The following PSIP1 variants were observed in gnomAD, a reference collection of about 807,000 sequenced individuals.
PSIP1 encodes PC4 and SFRS1-interacting protein.
PSIP1 carries 19 observed loss-of-function variants against 74.7 expected under a neutral mutation model. The ratio of observed to expected loss-of-function variants is 0.25; its 90% CI spans 0.18 to 0.37. The LOEUF (loss-of-function observed/expected upper bound fraction) is 0.37, where lower values mean the gene tolerates loss of function less well. Among genes scored for constraint, PSIP1 ranks in the 10% least tolerant of loss-of-function variants. The pLI, the probability that PSIP1 is intolerant of heterozygous loss-of-function variation, is 1.00. For synonymous variants in PSIP1, 222 were observed against 195.3 expected (o/e 1.14, Z -1.14); for missense variants, 601 against 614.3 (o/e 0.98, Z 0.23).
At chr9:15,491,153 T>C (rs911427100) in intron 3 of PSIP1, among the ~76,000 whole-genome samples, 1 of 152,236 alleles carries the variant, frequency 6.6e-6, no homozygotes, top group Non-Finnish European at 1.5e-5. Context: ...ACTGAACTCA[T>C]AGCCAACAGC....
At chr9:15,477,853 T>A (rs2132077254) in intron 8 of PSIP1, among the ~76,000 whole-genome samples, 1 of 152,174 alleles carries the variant, frequency 6.6e-6, no homozygotes, top group South Asian at 2.1e-4. Flanking sequence ...AAAAAAGATT[T>A]GTAGGCTAGG....
intron 3 of PSIP1, among the ~76,000 whole-genome samples, chr9:15,491,185 T>C (rs537331984): frequency 1.2e-4 from 19 of 152,338 alleles, no homozygotes; most frequent in African/African-American, 3.4e-4. Context: ...GCGCTTTCTC[T>C]GTAAAGCACA....
chr9:15,469,438 G>A (rs1269811917), intron 11 of PSIP1, 102 bp from the exon 12 acceptor site: 5 of 661,592 alleles, frequency 7.6e-6, no homozygotes, highest in Non-Finnish European at 1.3e-5. Flanking sequence ...AAAAAAAAAT[G>A]TTCTTAGTAA....
chr9:15,504,188 G>T (rs770835336), intron 3 of PSIP1, among the ~76,000 whole-genome samples: 3 of 152,152 alleles, frequency 2.0e-5, no homozygotes, highest in Non-Finnish European at 2.9e-5. Context: ...ATTCAGTATT[G>T]TCAGCTTAAC....
chr9:15,478,411 G>GCAC, intron 8 of PSIP1, 66 bp downstream of exon 8: 11 of 1,171,732 alleles, frequency 9.4e-6, no homozygotes, highest in Non-Finnish European at 1.4e-5. Context: ...AAATCGCAGA[G>GCAC]ATATGTGCTT....
At chr9:15,484,911 CAAAAAAAAAAA>C (rs59867087) in intron 6 of PSIP1, among the ~76,000 whole-genome samples, 1 of 81,890 alleles carries the variant, frequency 1.2e-5, no homozygotes. Context: ...AGATCCGTCT[CAAAAAAAAAAA>C]AAAAAAAAAA....
chr9:15,502,804 G>C (rs2037408358), intron 3 of PSIP1, among the ~76,000 whole-genome samples: 1 of 152,184 alleles, frequency 6.6e-6, no homozygotes, highest in Non-Finnish European at 1.5e-5. Flanking sequence ...GTCTGAATAT[G>C]TTAGGTTTAA....
At chr9:15,501,021 G>A (rs368061840) in intron 3 of PSIP1, among the ~76,000 whole-genome samples, 110 of 152,174 alleles carry the variant, frequency 7.2e-4, no homozygotes, top group African/African-American at 2.5e-3. Flanking sequence ...TAATAGCCAA[G>A]CATTGTTCTA....
intron 6 of PSIP1, among the ~76,000 whole-genome samples, chr9:15,483,401 T>TA (rs977783491): frequency 1.3e-5 from 2 of 151,586 alleles, no homozygotes; most frequent in African/African-American, 4.9e-5. Flanking sequence ...CTTAACCTCT[T>TA]AAAGTGCTCT....
chr9:15,470,704 G>A (rs2035786444), intron 10 of PSIP1: 21 of 938,452 alleles, frequency 2.2e-5, no homozygotes, highest in Non-Finnish European at 2.6e-5. Context: ...GTCTACTACT[G>A]TTTAATCTCT....
At position 15,466,657 on chromosome 9, in the gene PSIP1, C is replaced by T. The variant is rs1464635638; in HGVS notation, c.1532+91G>A. The stretch of plus-strand genomic sequence containing the variant: ...GAATTGGGTGATCAAAAGATAACTG[C>T]TTATTATAGTAAGATAACCTTGGAA... On this transcript the variant is annotated intron_variant, in intron 15 of 15. Transcript: ENST00000380733. The T allele has an allele frequency of 7.2e-6, 7 of 975,976 alleles. No homozygotes were observed. The African/African-American group carries it at 1.2e-4, about 17-fold the overall frequency. 60.5% of individuals were successfully genotyped at this position (975,976 alleles called of 1,614,324 possible).
intron 3 of PSIP1, chr9:15,505,837 A>G (rs1268434441): frequency 6.6e-6 from 1 of 152,248 alleles, no homozygotes; most frequent in African/African-American, 2.4e-5. Context: ...CATAATTCTA[A>G]TCAGAATAGC....
chr9:15,490,075 T>C lies in PSIP1; in HGVS notation c.199A>G (p.Lys67Glu), dbSNP rs1024734089. Residue 67 changes from lysine to glutamate, a missense_variant, in exon 4 of 16, where the codon AAG becomes GAG. This residue lies in a region of PSIP1 where 63 missense variants were observed against 106.7 expected (regional missense o/e 0.59). Coordinates refer to ENST00000380733, the MANE Select transcript of PSIP1 (RefSeq NM_033222.5). Reference sequence around the variant, plus strand: ...TTTCTTTTATTTGGTTTGCCATACTTTTCCTTATTTTCTGAGTAAGGAAAT... The same window carrying C: ...TTTCTTTTATTTGGTTTGCCATACTCTTCCTTATTTTCTGAGTAAGGAAAT... ...DIFPYSENKE[K>E]YGKPNKRKGF... is the part of the protein sequence containing the mutation. 1 of 1,605,604 alleles carries C rather than the reference T, an allele frequency of 6.2e-7. No homozygotes were observed. Among genetic ancestry groups the C allele is most frequent in the African/African-American group, 1.3e-5 (1 of 74,638 alleles).
At chr9:15,499,420 G>A (rs1040821842) in intron 3 of PSIP1, among the ~76,000 whole-genome samples, 1 of 152,160 alleles carries the variant, frequency 6.6e-6, no homozygotes, top group Non-Finnish European at 1.5e-5. Flanking sequence ...TGGCACACAC[G>A]TTGAAGCCCT....
chr9:15,472,652 C>A lies in PSIP1; in HGVS notation c.957G>T (p.Glu319Asp). 1.9e-6 allele frequency: 3 copies of A among 1,601,682 alleles called. No homozygotes were observed. Among genetic ancestry groups the A allele is most frequent in the Non-Finnish European group, 2.5e-6 (3 of 1,176,998 alleles). Residue 319 changes from glutamate (E) to aspartate (D), a missense_variant, in exon 10 of 16, where the codon GAG becomes GAT. Around this residue, in one of 2 missense-constraint regions of PSIP1, gnomAD observed 538 missense variants for 507.6 expected, o/e 1.06. Coordinates refer to ENST00000380733, the MANE Select transcript of PSIP1 (RefSeq NM_033222.5). ...KEAADRKRKQ[E>D]EQMETEQQNK... ...CTTACTGCTCAGTTTCCATTTGTTC[C>A]TCTTGCTTGCGTTTTCGATCTGCTG... is the stretch of plus-strand genomic sequence containing the variant.
At chr9:15,491,042 GTAA>G (rs1398603966) in intron 3 of PSIP1, among the ~76,000 whole-genome samples, 1 of 152,162 alleles carries the variant, frequency 6.6e-6, no homozygotes, top group African/African-American at 2.4e-5. Context: ...TTAGGTTCCT[GTAA>G]TCACAAGGTT....
chr9:15,509,280 C>A (rs2037739939), intron 2 of PSIP1, among the ~76,000 whole-genome samples: 1 of 152,184 alleles, frequency 6.6e-6, no homozygotes, highest in Admixed American at 6.5e-5. Context: ...TAATTGATTG[C>A]AACATATCTT....
At chr9:15,466,984 A>AT (rs1338953362) in intron 14 of PSIP1, 125 bp from the exon 15 acceptor site, 1 of 699,296 alleles carries the variant, frequency 1.4e-6, no homozygotes, top group Non-Finnish European at 2.4e-6. Flanking sequence ...AATGTCTTTT[A>AT]TTTGAAATTA....
At chr9:15,500,070 A>G (rs1409900505) in intron 3 of PSIP1, among the ~76,000 whole-genome samples, 1 of 152,130 alleles carries the variant, frequency 6.6e-6, no homozygotes, top group Non-Finnish European at 1.5e-5. Flanking sequence ...TTTATTATAA[A>G]TATTTTATAT....
Sources: allele counts gnomAD v4.1 joint callset (sites outside exome capture counted in the v4.1 genomes callset), GRCh38; gene constraint gnomAD v4.1.1; regional missense constraint gnomAD v4.1.1; transcripts MANE v1.5; gene names NCBI Gene and HGNC (gene_info 2026-07-23, HGNC 2026-07-21).